Variants in CD33 observed in about 807,000 individuals in gnomAD.
The protein encoded by CD33 is myeloid cell surface antigen CD33.
CD33 carries 25 observed loss-of-function variants against 31.4 expected under a neutral mutation model. The observed-to-expected ratio is 0.80, with a 90% CI of 0.58 to 1.11. CD33 has a LOEUF of 1.11. Among genes scored for constraint, CD33 ranks in the 50% most tolerant of loss-of-function variants. The probability of loss-of-function intolerance (pLI) is 0.00; values close to 1 mark genes in which losing one functional copy is unlikely to be tolerated. For missense variants in CD33, 407 were observed against 448.1 expected (o/e 0.91, Z 0.83); for synonymous variants, 176 against 180.6 (o/e 0.97, Z 0.20).
At chr19:51,220,242 C>A (rs939826334), upstream of CD33, among the ~76,000 whole-genome samples, 7 of 152,170 alleles carry the variant, frequency 4.6e-5, no homozygotes, top group Non-Finnish European at 1.0e-4. Context: ...TTGGCAGAAT[C>A]TTATGGTTCT....
rs143089841 is a variant in CD33 at position 51,225,441 on chromosome 19, G to A, written c.261G>A (p.Gln87=). 26 of 1,614,038 alleles carry A rather than the reference G, an allele frequency of 1.6e-5. No individual in the cohort carries two copies. Among genetic ancestry groups the A allele is most frequent in the Non-Finnish European group, 2.0e-5 (24 of 1,180,014 alleles). ...KLDQEVQEET[Q]GRFRLLGDPS... ...ATCAAGAAGTACAGGAGGAGACTCA[G>A]GGCAGATTCCGCCTCCTTGGGGATC... Residue 87 remains glutamine, a synonymous_variant, in exon 2 of 7, where the codon CAG becomes CAA. Transcript: ENST00000262262.
At chr19:51,217,025 G>A in the CD33 span, among the ~76,000 whole-genome samples, 1 of 152,170 alleles carries the variant, frequency 6.6e-6, no homozygotes, top group Non-Finnish European at 1.5e-5. Context: ...GGAGTCAAGC[G>A]GTGGAAAGGA....
At position 51,239,565 on chromosome 19, in the gene CD33, C is replaced by T. The variant is rs1441677450; in HGVS notation, c.972C>T (p.Ser324=). ...TACATGGCCCCACTGAAACCTCAAG[C>T]TGTTCAGGTGCCGCCCCTACTGTGG... ...SKLHGPTETS[S]CSGAAPTVEM... Residue 324 remains serine, a synonymous_variant, in exon 7 of 7, where the codon AGC becomes AGT. Coordinates refer to ENST00000262262, the MANE Select transcript of CD33 (RefSeq NM_001772.4). 6.2e-7 allele frequency: 1 copy of T among 1,612,722 alleles called. No individual in the cohort carries two copies.
chr19:51,234,985 G>C (rs1981671541), intron 4 of CD33, among the ~76,000 whole-genome samples, 172 bp from the exon 5 acceptor site: 1 of 152,130 alleles, frequency 6.6e-6, no homozygotes. Flanking sequence ...CAGGTGCACT[G>C]TGTACTTCAT....
upstream of CD33, among the ~76,000 whole-genome samples, chr19:51,224,903 C>T (rs977633545): frequency 6.6e-6 from 1 of 152,176 alleles, no homozygotes; most frequent in African/African-American, 2.4e-5. Context: ...CATCTCCTCC[C>T]ATCTCTGGGC....
At chr19:51,222,646 T>C (rs551882315), upstream of CD33, among the ~76,000 whole-genome samples, 30 of 152,234 alleles carry the variant, frequency 2.0e-4, no homozygotes, top group Non-Finnish European at 3.5e-4. Context: ...GATTTTCAAA[T>C]AGACTAACTC....
At chr19:51,223,463 A>T (rs1461601132), upstream of CD33, among the ~76,000 whole-genome samples, 2 of 152,322 alleles carry the variant, frequency 1.3e-5, no homozygotes, top group South Asian at 4.1e-4. Flanking sequence ...TGCTGGATGC[A>T]TACTACACAG....
intron 4 of CD33, among the ~76,000 whole-genome samples, chr19:51,227,957 C>A (rs1422961369): frequency 6.6e-6 from 1 of 152,178 alleles, no homozygotes; most frequent in Non-Finnish European, 1.5e-5. Context: ...TTCCCAGCAT[C>A]ATTTATTAAA....
chr19:51,239,872 G>A lies in CD33; in HGVS notation c.*184G>A. The A allele has an allele frequency of 2.2e-6, 1 of 460,460 alleles. No homozygotes were observed. 28.5% of individuals were successfully genotyped at this position (460,460 alleles called of 1,614,324 possible). A position where few individuals can be genotyped will look rare whatever the true frequency, so the allele number is the denominator to read the frequency against. On this transcript the variant is annotated 3_prime_UTR_variant, in exon 7 of 7. Coordinates refer to ENST00000262262, the MANE Select transcript of CD33 (RefSeq NM_001772.4). ...CAGAGAGTCGTGGAATCAAATCTGT[G>A]CTCTTTCATTTGCTAAGTGTATGAT... is the stretch of plus-strand genomic sequence containing the variant.
chr19:51,213,230 G>A, the CD33 span, among the ~76,000 whole-genome samples: 1 of 152,126 alleles, frequency 6.6e-6, no homozygotes, highest in Non-Finnish European at 1.5e-5. Context: ...TTGTGTCCGT[G>A]TAGTTTTTAT....
the CD33 span, chr19:51,211,441 C>T: frequency 8.9e-6 from 14 of 1,569,258 alleles, no homozygotes; most frequent in African/African-American, 9.5e-5. Flanking sequence ...GGGCTGATTC[C>T]GCCTCCTTGG....
intron 6 of CD33, chr19:51,236,949 C>T (rs903587698): frequency 6.6e-6 from 1 of 152,276 alleles, no homozygotes; most frequent in Non-Finnish European, 1.5e-5. Flanking sequence ...CTTCTCTACA[C>T]TCCTGAAAGA....
chr19:51,225,758 T>C, intron 2 of CD33, 45 bp from the exon 3 acceptor site: 1 of 1,589,902 alleles, frequency 6.3e-7, no homozygotes, highest in Non-Finnish European at 8.6e-7. Context: ...GGCCCTCACC[T>C]GGACCCTCCC....
At chr19:51,213,641 A>C in the CD33 span, among the ~76,000 whole-genome samples, 1 of 151,244 alleles carries the variant, frequency 6.6e-6, no homozygotes, top group Non-Finnish European at 1.5e-5. Context: ...AGTCCAAGCA[A>C]TTCTCGTGCC....
intron 4 of CD33, 115 bp downstream of exon 4, chr19:51,226,471 G>A (rs1981044666): frequency 8.0e-6 from 7 of 874,262 alleles, no homozygotes; most frequent in African/African-American, 3.3e-5. Flanking sequence ...AGTTAGACAC[G>A]GGTAGACATC....
chr19:51,213,632 G>A, the CD33 span, among the ~76,000 whole-genome samples: 2 of 150,322 alleles, frequency 1.3e-5, no homozygotes, highest in African/African-American at 2.5e-5. Flanking sequence ...CACCTCCCCA[G>A]TCCAAGCAAT....
intron 6 of CD33, chr19:51,236,623 A>C (rs894937827): frequency 1.3e-5 from 2 of 152,144 alleles, no homozygotes; most frequent in African/African-American, 4.8e-5. Context: ...AAACATCAGA[A>C]ACACTTGGTT....
At chr19:51,233,674 TG>T (rs1981580122) in intron 4 of CD33, among the ~76,000 whole-genome samples, 1 of 152,210 alleles carries the variant, frequency 6.6e-6, no homozygotes, top group African/African-American at 2.4e-5. Flanking sequence ...GCTCAGAGCT[TG>T]TGAGGACTGT....
chr19:51,211,807 C>G, the CD33 span: 1 of 897,012 alleles, frequency 1.1e-6, no homozygotes, highest in East Asian at 2.4e-5. Context: ...ACCCACAGGC[C>G]CAGCATCTTC....
Sources: allele counts gnomAD v4.1 joint callset (sites outside exome capture counted in the v4.1 genomes callset), GRCh38; gene constraint gnomAD v4.1.1; transcripts MANE v1.5; gene names NCBI Gene and HGNC (gene_info 2026-07-23, HGNC 2026-07-21).